Variants in GINS1 observed in about 807,000 individuals in gnomAD.
GINS1 encodes DNA replication complex GINS protein PSF1.
GINS1 carries 26 observed loss-of-function variants against 34.9 expected under a neutral mutation model. That is an observed-to-expected ratio of 0.74 (90% CI 0.55 to 1.03). The LOEUF (loss-of-function observed/expected upper bound fraction) is 1.03. Ranked by LOEUF, GINS1 falls within the 50% of genes least tolerant of loss-of-function variation. GINS1 has a pLI of 0.00. For missense variants in GINS1, 235 were observed against 237.9 expected (o/e 0.99, Z 0.08); for synonymous variants, 97 against 84.4 (o/e 1.15, Z -0.82).
At chr20:25,441,137 G>GTAT (rs1568810626) in intron 5 of GINS1, among the ~76,000 whole-genome samples, 1 of 152,162 alleles carries the variant, frequency 6.6e-6, no homozygotes, top group African/African-American at 2.4e-5. Context: ...CTGTACCTGG[G>GTAT]AACACCTTTG....
At chr20:25,437,890 G>A (rs1177708833) in intron 5 of GINS1, among the ~76,000 whole-genome samples, 2 of 152,010 alleles carry the variant, frequency 1.3e-5, no homozygotes, top group South Asian at 2.1e-4. Context: ...AGGCCGAGGC[G>A]GGTGGATCAC....
intron 5 of GINS1, among the ~76,000 whole-genome samples, chr20:25,428,969 CT>C (rs77113924): frequency 3.1e-5 from 4 of 127,496 alleles, no homozygotes; most frequent in South Asian, 2.6e-4. Flanking sequence ...ATTCCTCTCT[CT>C]TTTTTTTTTT....
intron 1 of GINS1, chr20:25,413,459 A>G (rs2090299600): frequency 9.1e-6 from 2 of 220,326 alleles, no homozygotes; most frequent in South Asian, 2.5e-4. Context: ...TAATGCTGCA[A>G]AAAACATGTG....
chr20:25,432,577 C>T (rs1205712613), intron 5 of GINS1, among the ~76,000 whole-genome samples: 3 of 152,048 alleles, frequency 2.0e-5, no homozygotes. Context: ...AGCGATTCTC[C>T]TGCCTCAGCC....
Position 25,448,481 on chromosome 20 carries a change from CTG to C in GINS1, c.*2493_*2494del, listed in dbSNP as rs2035140946. 6.6e-6 allele frequency: 1 copy of C among 152,228 alleles called. No homozygotes were observed. Among genetic ancestry groups the C allele is most frequent in the Non-Finnish European group, 1.5e-5 (1 of 68,034 alleles). The allele number at this position is 152,228 out of a possible 1,614,324, so 9.4% of individuals were successfully genotyped here. On this transcript the variant is annotated 3_prime_UTR_variant, in exon 7 of 7. Coordinates refer to ENST00000262460, the MANE Select transcript of GINS1 (RefSeq NM_021067.5). ...ACTTGTATCCTTCAGCCTTGCTAAACTGTGAGTTCTCATGGTGTTTTTGTAAA... is the reference window on the plus strand; with the variant it reads ...ACTTGTATCCTTCAGCCTTGCTAAACTGAGTTCTCATGGTGTTTTTGTAAA...
chr20:25,416,903 A>G (rs558499882), intron 2 of GINS1, among the ~76,000 whole-genome samples: 1 of 152,312 alleles, frequency 6.6e-6, no homozygotes, highest in African/African-American at 2.4e-5. Context: ...TGGTAGCATG[A>G]TCTTAGGCAA....
chr20:25,424,594 A>G (rs2090379890), intron 4 of GINS1, among the ~76,000 whole-genome samples: 1 of 152,154 alleles, frequency 6.6e-6, no homozygotes, highest in Non-Finnish European at 1.5e-5. Flanking sequence ...ATCACCCTAC[A>G]AAGAAGCCCT....
chr20:25,422,863 G>A (rs1220329968), intron 4 of GINS1, among the ~76,000 whole-genome samples: 1 of 151,246 alleles, frequency 6.6e-6, no homozygotes, highest in East Asian at 2.0e-4. Flanking sequence ...CGCAACCCCC[G>A]CCTCCCGGGT....
intron 5 of GINS1, among the ~76,000 whole-genome samples, chr20:25,436,052 G>A (rs1390174526): frequency 6.7e-6 from 1 of 149,256 alleles, no homozygotes; most frequent in South Asian, 2.1e-4. Context: ...TCGATCTCCT[G>A]ACCTTGTGAT....
Position 25,407,681 on chromosome 20 carries a change from C to A in GINS1, c.-140C>A. 2 of 702,726 alleles carry A rather than the reference C, an allele frequency of 2.8e-6. No homozygotes were observed. Among genetic ancestry groups the A allele is most frequent in the Non-Finnish European group, 5.0e-6 (2 of 403,184 alleles). The allele number at this position is 702,726 out of a possible 1,614,324, so 43.5% of individuals were successfully genotyped here. ...TCCTATTGGCTAGCTTTGTTCGGCG[C>A]CAAAGCGCGGAGCGGAGGCCGAGGC... is the stretch of plus-strand genomic sequence containing the variant. On this transcript the variant is annotated 5_prime_UTR_variant, in exon 1 of 7. Coordinates refer to ENST00000262460, the MANE Select transcript of GINS1 (RefSeq NM_021067.5).
At chr20:25,439,872 G>A (rs1307024557) in intron 5 of GINS1, among the ~76,000 whole-genome samples, 1 of 151,618 alleles carries the variant, frequency 6.6e-6, no homozygotes, top group Admixed American at 6.6e-5. Flanking sequence ...GCTCCCTCCT[G>A]TAATCCCAGC....
rs367845021 is a variant in GINS1, at chr20:25,410,335, C to T, written c.75+2440C>T. 2.1e-4 allele frequency among the ~76,000 whole-genome samples: 32 copies of T among 150,254 alleles called. No individual in the cohort carries two copies. The East Asian group carries it at 3.5e-3, about 17-fold the overall frequency. Reference sequence around the variant, plus strand: ...CAGCCTGGGCGACAGAGAGAGACTCCGCCTCAAAAAAAAAAAAAAGTTGTA... The same window carrying T: ...CAGCCTGGGCGACAGAGAGAGACTCTGCCTCAAAAAAAAAAAAAAGTTGTA... On this transcript the variant is annotated intron_variant, in intron 1 of 6. Coordinates refer to ENST00000262460, the MANE Select transcript of GINS1 (RefSeq NM_021067.5).
Position 25,429,284 on chromosome 20 carries a change from C to T in GINS1, c.447+3957C>T, listed in dbSNP as rs771612751. Among the ~76,000 whole-genome samples the T allele has an allele frequency of 2.1e-4, 32 of 152,230 alleles. No individual in the cohort carries two copies. The South Asian group carries it at 3.1e-3, about 15-fold the overall frequency. ...GATTACAGGCATGAGCCACCACGCCCGGCCCCATTCCTCTTTTTAAAGGTT... is the reference window on the plus strand; with the variant it reads ...GATTACAGGCATGAGCCACCACGCCTGGCCCCATTCCTCTTTTTAAAGGTT... On this transcript the variant is annotated intron_variant, in intron 5 of 6. Transcript: ENST00000262460.
rs372077986 is a variant in GINS1 at position 25,440,862 on chromosome 20, CAG to C, written c.448-839_448-838del. Reference sequence around the variant, plus strand: ...GAAAAAACAGCAAATGCAAAGGACTCAGGGGATTTTTCTGGAGTGGTATTTCT... The same window carrying C: ...GAAAAAACAGCAAATGCAAAGGACTCGGGATTTTTCTGGAGTGGTATTTCT... On this transcript the variant is annotated intron_variant, in intron 5 of 6. Coordinates refer to ENST00000262460, the MANE Select transcript of GINS1 (RefSeq NM_021067.5). Among the ~76,000 whole-genome samples, 888 of 150,328 alleles carry C rather than the reference CAG, an allele frequency of 5.9e-3. 9 individuals carry two copies. Among genetic ancestry groups the C allele is most frequent in the African/African-American group, 0.021 (842 of 40,998 alleles).
In GINS1 at chr20:25,407,702, G is replaced by A; in HGVS notation, c.-119G>A. 1 of 798,076 alleles carries A rather than the reference G, an allele frequency of 1.3e-6. No individual in the cohort carries two copies. Among genetic ancestry groups the A allele is most frequent in the Non-Finnish European group, 2.1e-6 (1 of 478,760 alleles). 49.4% of individuals were successfully genotyped at this position (798,076 alleles called of 1,614,324 possible). A position where few individuals can be genotyped will look rare whatever the true frequency, so the allele number is the denominator to read the frequency against. ...GGCGCCAAAGCGCGGAGCGGAGGCC[G>A]AGGCGAGAGCCTGGCGCTGTAGGAC... On this transcript the variant is annotated 5_prime_UTR_variant, in exon 1 of 7. Transcript: ENST00000262460.
At chr20:25,445,546 A>G (rs2090507135) in intron 6 of GINS1, among the ~76,000 whole-genome samples, 1 of 152,062 alleles carries the variant, frequency 6.6e-6, no homozygotes, top group South Asian at 2.1e-4. Context: ...ACGGGGTTTC[A>G]CCGTGTTAGC....
At chr20:25,441,871 C>G (rs567233253) in intron 6 of GINS1, 95 bp downstream of exon 6, 11 of 670,624 alleles carry the variant, frequency 1.6e-5, no homozygotes, top group South Asian at 1.5e-4. Context: ...TTTTGATGAT[C>G]GTTTATATAT....
chr20:25,424,659 C>T (rs1329587615), intron 4 of GINS1, among the ~76,000 whole-genome samples: 1 of 152,136 alleles, frequency 6.6e-6, no homozygotes, highest in African/African-American at 2.4e-5. Context: ...CCTGGAAATC[C>T]CGAATCTACT....
At chr20:25,428,397 CTT>C (rs544831869) in intron 5 of GINS1, among the ~76,000 whole-genome samples, 1,183 of 66,378 alleles carry the variant, frequency 0.018, 6 homozygotes, top group African/African-American at 0.07. Flanking sequence ...AGCATAATTT[CTT>C]TTTTTTTTTT....
Sources: allele counts gnomAD v4.1 joint callset (sites outside exome capture counted in the v4.1 genomes callset), GRCh38; gene constraint gnomAD v4.1.1; transcripts MANE v1.5; gene names NCBI Gene and HGNC (gene_info 2026-07-23, HGNC 2026-07-21).